RBL1: variants seen among roughly 807,000 people sequenced by gnomAD.
The protein encoded by RBL1 is retinoblastoma-like protein 1.
RBL1 carries 82 observed loss-of-function variants against 123.0 expected under a neutral mutation model. That is an observed-to-expected ratio of 0.67 (90% CI 0.56 to 0.80). The LOEUF (loss-of-function observed/expected upper bound fraction) is 0.80. Ranked by LOEUF, RBL1 falls within the 30% of genes least tolerant of loss-of-function variation. The pLI, the probability that RBL1 is intolerant of heterozygous loss-of-function variation, is 0.00. For missense variants in RBL1, 1,171 were observed against 1,299.6 expected (o/e 0.90, Z 1.52); for synonymous variants, 405 against 441.3 (o/e 0.92, Z 1.03).
chr20:37,044,005 G>T (rs926338741), intron 13 of RBL1, 81 bp downstream of exon 13: 4 of 1,185,796 alleles, frequency 3.4e-6, no homozygotes, highest in Non-Finnish European at 1.2e-6. Flanking sequence ...GAACTCTATG[G>T]TATAGGAATT....
intron 16 of RBL1, among the ~76,000 whole-genome samples, chr20:37,023,944 AT>A (rs1201528495): frequency 0.025 from 3,540 of 144,064 alleles, 54 homozygotes; most frequent in Middle Eastern, 0.036. Flanking sequence ...CGCCTGGCTA[AT>A]TTTTTTTTTT....
chr20:37,068,008 A>C lies in RBL1; in HGVS notation c.469T>G (p.Leu157Val). The C allele has an allele frequency of 6.2e-7, 1 of 1,613,726 alleles. No individual in the cohort carries two copies. Among genetic ancestry groups the C allele is most frequent in the Non-Finnish European group, 8.5e-7 (1 of 1,179,930 alleles). The change falls in exon 3 of 22, where the codon TTA becomes GTA. Residue 157 changes from leucine (L) to valine (V), a missense_variant. By Grantham distance (32) the Leu-to-Val change is conservative. Coordinates refer to ENST00000373664, the MANE Select transcript of RBL1 (RefSeq NM_002895.5). ...CACCTCTGCTTCCGGCTTCGTGGTA[A>C]CTTTGGTGGTTCTTCATATGGATTT... ...FQNPYEEPPKLPRSRKQRRIP... is the reference protein window; with the variant it reads ...FQNPYEEPPKVPRSRKQRRIP...
At chr20:37,020,843 C>G (rs529824348) in intron 17 of RBL1, 113 bp from the exon 18 acceptor site, 2 of 653,082 alleles carry the variant, frequency 3.1e-6, no homozygotes. Context: ...AACCATTAAC[C>G]CCAGGCCAGT....
At chr20:37,049,394 C>G in intron 11 of RBL1, 1 of 727,912 alleles carries the variant, frequency 1.4e-6, no homozygotes, top group South Asian at 1.4e-5. Flanking sequence ...TATTTGCTGG[C>G]AAGCAACTGG....
chr20:37,028,643 A>T (rs755587418), intron 16 of RBL1, among the ~76,000 whole-genome samples: 11 of 152,246 alleles, frequency 7.2e-5, no homozygotes, highest in East Asian at 5.8e-4. Context: ...TTTGTCCCAC[A>T]GTGAACTCCA....
chr20:36,998,850 G>T lies in RBL1; in HGVS notation c.3116C>A (p.Ala1039Glu). ...ACAGACGCGTTTGGCAGGGGATTCTGCATCACTATCGATGGCTATTACTCG... is the reference window on the plus strand; with the variant it reads ...ACAGACGCGTTTGGCAGGGGATTCTTCATCACTATCGATGGCTATTACTCG... ...KKRVIAIDSD[A>E]ESPAKRVCQE... Residue 1039 changes from alanine to glutamate, a missense_variant, in exon 22 of 22, where the codon GCA becomes GAA. By Grantham distance (107) the Ala-to-Glu change is moderately radical. Coordinates refer to ENST00000373664, the MANE Select transcript of RBL1 (RefSeq NM_002895.5). 1 of 1,613,088 alleles carries T rather than the reference G, an allele frequency of 6.2e-7. No individual in the cohort carries two copies. Among genetic ancestry groups the T allele is most frequent in the Non-Finnish European group, 8.5e-7 (1 of 1,179,192 alleles).
At chr20:37,008,592 T>C (rs889065917) in intron 19 of RBL1, among the ~76,000 whole-genome samples, 10 of 152,208 alleles carry the variant, frequency 6.6e-5, no homozygotes, top group Non-Finnish European at 1.3e-4. Context: ...TTTACTTGTA[T>C]ACACAAGAAC....
At chr20:37,017,871 G>A (rs1165136446) in intron 19 of RBL1, among the ~76,000 whole-genome samples, 3 of 151,950 alleles carry the variant, frequency 2.0e-5, no homozygotes, top group South Asian at 2.1e-4. Context: ...TCTTGAACTC[G>A]TGATCCACCC....
intron 14 of RBL1, among the ~76,000 whole-genome samples, chr20:37,038,706 G>C (rs2064671896): frequency 6.8e-6 from 1 of 147,150 alleles, no homozygotes; most frequent in African/African-American, 2.5e-5. Flanking sequence ...GGGTTCAAGT[G>C]ATTCTCCTGC....
intron 21 of RBL1, among the ~76,000 whole-genome samples, chr20:37,000,521 C>T (rs2063954772): frequency 7.2e-6 from 1 of 139,854 alleles, no homozygotes; most frequent in African/African-American, 2.7e-5. Context: ...TGAGGGGCGC[C>T]TCTGCCCGGC....
intron 9 of RBL1, among the ~76,000 whole-genome samples, chr20:37,058,277 C>T (rs1448050220): frequency 6.6e-6 from 1 of 151,636 alleles, no homozygotes; most frequent in Non-Finnish European, 1.5e-5. Context: ...CAGCACTTTG[C>T]GAGGCTGAAG....
intron 21 of RBL1, among the ~76,000 whole-genome samples, chr20:37,000,204 C>T (rs375828659): frequency 0.19 from 27,104 of 142,686 alleles, 2,317 homozygotes; most frequent in Middle Eastern, 0.29. Flanking sequence ...AGTGAGGAGC[C>T]CCTCCGCCCA....
rs752212706 is a variant in RBL1, at chr20:37,059,857, C to CA, written c.1250+1245dup. Among the ~76,000 whole-genome samples the CA allele has an allele frequency of 3.1e-3, 456 of 144,784 alleles. 2 individuals are homozygous for CA. The highest frequency in any genetic ancestry group is 0.013 in the East Asian group (66 of 4,998). The allele number at this position is 144,784 out of a possible 152,430, so 95.0% of individuals were successfully genotyped here. On this transcript the variant is annotated intron_variant, in intron 9 of 21. Transcript: ENST00000373664. Reference sequence around the variant, plus strand: ...CCAGGAATCATGCTTCCTTAAAAAACAAAAAAAAAAACTGTATAAAATTCC... The same window carrying CA: ...CCAGGAATCATGCTTCCTTAAAAAACAAAAAAAAAAAACTGTATAAAATTCC...
chr20:37,044,060 C>T (rs750396441), intron 13 of RBL1, 26 bp downstream of exon 13: 12 of 1,110,394 alleles, frequency 1.1e-5, no homozygotes, highest in Non-Finnish European at 8.6e-6. Context: ...TTTAATGATA[C>T]GATTATCAGC....
At chr20:37,049,077 C>T (rs2064860894) in intron 11 of RBL1, among the ~76,000 whole-genome samples, 1 of 151,904 alleles carries the variant, frequency 6.6e-6, no homozygotes, top group East Asian at 1.9e-4. Context: ...GTGGCATATG[C>T]CTATAGTCCC....
rs1157688842 is a variant in RBL1, at chr20:37,033,185, A to AT, written c.2171-310dup. Among the ~76,000 whole-genome samples the AT allele has an allele frequency of 5.7e-3, 698 of 123,288 alleles. 8 individuals carry two copies. The highest frequency in any genetic ancestry group is 0.012 in the African/African-American group (407 of 32,766). 80.9% of individuals were successfully genotyped at this position (123,288 alleles called of 152,430 possible). On this transcript the variant is annotated intron_variant, in intron 15 of 21. Coordinates refer to ENST00000373664, the MANE Select transcript of RBL1 (RefSeq NM_002895.5). ...AGGTGCAAGCCACTATGCCTGGTAA[A>AT]TTTTTTTTTTTTTTTTTTGAGATGG...
chr20:37,062,302 TAA>T (rs780566809), intron 7 of RBL1, 32 bp from the exon 8 acceptor site: 1 of 1,594,750 alleles, frequency 6.3e-7, no homozygotes, highest in African/African-American at 1.3e-5. Flanking sequence ...GCTGTAATAC[TAA>T]GTTACACAAT....
intron 1 of RBL1, among the ~76,000 whole-genome samples, chr20:37,094,846 C>T (rs766919696): frequency 3.3e-5 from 5 of 152,192 alleles, no homozygotes; most frequent in Non-Finnish European, 5.9e-5. Flanking sequence ...CCGTGTTGCC[C>T]AGGTTAGTCT....
intron 9 of RBL1, among the ~76,000 whole-genome samples, chr20:37,057,279 T>A (rs1282976571): frequency 6.6e-6 from 1 of 152,232 alleles, no homozygotes; most frequent in Admixed American, 6.5e-5. Context: ...ACGTCCGTAC[T>A]GTTTTCCATA....
Sources: gnomAD v4.1 joint callset for allele counts (sites outside exome capture counted in the v4.1 genomes callset) on GRCh38, gnomAD v4.1.1 for gene constraint, MANE v1.5 for transcripts, NCBI Gene and HGNC (gene_info 2026-07-23, HGNC 2026-07-21) for gene names.